SMAD2: variants seen among roughly 807,000 people sequenced by gnomAD.
SMAD2 encodes the protein SMAD family member 2.
A neutral mutation model predicts 64.4 loss-of-function variants in SMAD2; 8 were observed. The observed-to-expected ratio is 0.12, with a 90% CI of 0.07 to 0.22. The LOEUF (loss-of-function observed/expected upper bound fraction) is 0.22. Ranked by LOEUF, SMAD2 falls within the 10% of genes least tolerant of loss-of-function variation. The probability of loss-of-function intolerance (pLI) is 1.00; values close to 1 mark genes in which losing one functional copy is unlikely to be tolerated. For synonymous variants in SMAD2, 203 were observed against 195.8 expected, an observed-to-expected ratio of 1.04 and a Z score of -0.31; for missense variants, 289 against 561.2, an observed-to-expected ratio of 0.51 and a Z score of 4.90.
At chr18:47,927,238 C>G (rs532466305) in intron 1 of SMAD2, among the ~76,000 whole-genome samples, 1 of 152,144 alleles carries the variant, frequency 6.6e-6, no homozygotes, top group Non-Finnish European at 1.5e-5. Context: ...AAAGACTGGC[C>G]GTATCTTCAG....
intron 1 of SMAD2, among the ~76,000 whole-genome samples, chr18:47,929,268 T>C (rs945673341): frequency 9.2e-5 from 14 of 152,192 alleles, no homozygotes; most frequent in Admixed American, 5.2e-4. Context: ...TAAAGTAGAA[T>C]AGCAAATTTT....
At chr18:47,872,768 G>A (rs1598810274) in intron 2 of SMAD2, among the ~76,000 whole-genome samples, 1 of 152,090 alleles carries the variant, frequency 6.6e-6, no homozygotes, top group African/African-American at 2.4e-5. Context: ...GAGGTGGAAC[G>A]TCTTTATCCC....
In SMAD2 at chr18:47,841,091, A is replaced by G. The variant is rs912313611; in HGVS notation, c.*736T>C. Reference sequence around the variant, plus strand: ...ATGAGGACAAAAATGGGAATGGAAAAAAGAGGCTTGGAAAGGTTTTCAGTA... The same window carrying G: ...ATGAGGACAAAAATGGGAATGGAAAGAAGAGGCTTGGAAAGGTTTTCAGTA... On this transcript the variant is annotated 3_prime_UTR_variant, in exon 11 of 11. Transcript: ENST00000262160. 4.3e-6 allele frequency: 1 copy of G among 232,666 alleles called. No individual in the cohort carries two copies. Among genetic ancestry groups the G allele is most frequent in the African/African-American group, 2.2e-5 (1 of 45,380 alleles). The allele number at this position is 232,666 out of a possible 1,614,324, so 14.4% of individuals were successfully genotyped here. A position where few individuals can be genotyped will look rare whatever the true frequency, so the allele number is the denominator to read the frequency against.
At position 47,833,396 on chromosome 18, in the gene SMAD2, ATTGT is replaced by A. The variant is rs1274588327; in HGVS notation, c.*8427_*8430del. ...ACCAGCTGTAATAAAGCCTCAGCTC[ATTGT>A]TTAATAAAAATAAAAAAGGAACCAC... On this transcript the variant is annotated 3_prime_UTR_variant, in exon 11 of 11. Coordinates refer to ENST00000262160, the MANE Select transcript of SMAD2 (RefSeq NM_005901.6). The A allele has an allele frequency of 4.5e-6, 1 of 223,228 alleles. No homozygotes were observed. The highest frequency in any genetic ancestry group is 9.0e-6 in the Non-Finnish European group (1 of 111,602). The allele number at this position is 223,228 out of a possible 1,614,324, so 13.8% of individuals were successfully genotyped here. A position where few individuals can be genotyped will look rare whatever the true frequency, so the allele number is the denominator to read the frequency against.
At chr18:47,921,662 A>G (rs567700810) in intron 1 of SMAD2, among the ~76,000 whole-genome samples, 2 of 152,264 alleles carry the variant, frequency 1.3e-5, no homozygotes, top group South Asian at 4.1e-4. Context: ...TTTTTTAAGC[A>G]CACAGTTCCC....
Position 47,851,306 on chromosome 18 carries a change from G to A in SMAD2, c.752C>T (p.Pro251Leu). ...MDTGSPAELS[P>L]TTLSPVNHSL... ...ATGATTAACAGGGGAAAGAGTAGTA[G>A]GAGATAGTTCTGCTGGAGAGCCTAA... The change falls in exon 7 of 11, where the codon CCT becomes CTT. Residue 251 changes from proline to leucine, a missense_variant. Pro to Leu is a moderately conservative substitution (Grantham distance 98). Coordinates refer to ENST00000262160, the MANE Select transcript of SMAD2 (RefSeq NM_005901.6). The A allele has an allele frequency of 6.2e-7, 1 of 1,610,164 alleles. No homozygotes were observed. The highest frequency in any genetic ancestry group is 1.1e-5 in the South Asian group (1 of 90,994).
rs75214334 is a variant in SMAD2, at chr18:47,929,968, G to A, written c.-54+393C>T. 6.7e-3 allele frequency among the ~76,000 whole-genome samples: 1,022 copies of A among 152,012 alleles called. 12 individuals are homozygous for A. Among genetic ancestry groups the A allele is most frequent in the African/African-American group, 0.023 (937 of 41,452 alleles). On this transcript the variant is annotated intron_variant, in intron 1 of 10. Coordinates refer to ENST00000262160, the MANE Select transcript of SMAD2 (RefSeq NM_005901.6). ...CCATGGAAAACCCGAGACTACCACT[G>A]TTAACAAAGGTTACGAGACCAAAAA... is the stretch of plus-strand genomic sequence containing the variant.
At chr18:47,847,405 G>T (rs1010236719) in intron 8 of SMAD2, among the ~76,000 whole-genome samples, 13 of 152,090 alleles carry the variant, frequency 8.5e-5, no homozygotes, top group African/African-American at 3.1e-4. Context: ...ACTGTTAAAA[G>T]AAGTTACTTT....
At chr18:47,872,373 C>T (rs1029780287) in intron 2 of SMAD2, among the ~76,000 whole-genome samples, 1 of 151,498 alleles carries the variant, frequency 6.6e-6, no homozygotes, top group East Asian at 1.9e-4. Context: ...TTCAACCAAC[C>T]GTGGATCAAA....
rs1286774436 is a variant in SMAD2 at position 47,831,727 on chromosome 18, G to T, written c.*10100C>A. On this transcript the variant is annotated 3_prime_UTR_variant, in exon 11 of 11. Coordinates refer to ENST00000262160, the MANE Select transcript of SMAD2 (RefSeq NM_005901.6). The stretch of plus-strand genomic sequence containing the variant: ...CAATGTTCTTGCCTTCTATTAATGT[G>T]ATTTTAAGAATTACTGCATGTCTCA... 1.3e-5 allele frequency: 2 copies of T among 152,142 alleles called. No individual in the cohort carries two copies. Among genetic ancestry groups the T allele is most frequent in the African/African-American group, 4.8e-5 (2 of 41,428 alleles). The allele number at this position is 152,142 out of a possible 1,614,324, so 9.4% of individuals were successfully genotyped here. A position where few individuals can be genotyped will look rare whatever the true frequency, so the allele number is the denominator to read the frequency against.
At chr18:47,894,968 G>GCCA (rs1456484573) in intron 2 of SMAD2, among the ~76,000 whole-genome samples, 1 of 152,134 alleles carries the variant, frequency 6.6e-6, no homozygotes, top group Non-Finnish European at 1.5e-5. Context: ...TGCTAGCACA[G>GCCA]CCACCACGCC....
rs944909041 is a variant in SMAD2 at position 47,836,949 on chromosome 18, C to G, written c.*4878G>C. 51 of 212,160 alleles carry G rather than the reference C, an allele frequency of 2.4e-4. No homozygotes were observed. Among genetic ancestry groups the G allele is most frequent in the African/African-American group, 1.1e-3 (47 of 44,204 alleles). 13.1% of individuals were successfully genotyped at this position (212,160 alleles called of 1,614,324 possible). ...CTCAATAGCAGGATTCTGACTACCT[C>G]TGGAGACCACACACTATCATTATTC... On this transcript the variant is annotated 3_prime_UTR_variant, in exon 11 of 11. Transcript: ENST00000262160.
At chr18:47,884,454 C>T (rs994625479) in intron 2 of SMAD2, among the ~76,000 whole-genome samples, 11 of 152,028 alleles carry the variant, frequency 7.2e-5, no homozygotes, top group East Asian at 5.8e-4. Flanking sequence ...AACATTATTC[C>T]GCCCCATATA....
intron 7 of SMAD2, among the ~76,000 whole-genome samples, chr18:47,850,203 TA>T (rs1453440142): frequency 1.1e-5 from 1 of 90,984 alleles, no homozygotes; most frequent in African/African-American, 4.4e-5. Flanking sequence ...ATAGTATATA[TA>T]TATTATTATA....
chr18:47,916,719 G>C (rs2034352037), intron 1 of SMAD2, among the ~76,000 whole-genome samples: 1 of 152,152 alleles, frequency 6.6e-6, no homozygotes, highest in Non-Finnish European at 1.5e-5. Flanking sequence ...ACATGACTAA[G>C]TTTTTAAATC....
At chr18:47,914,837 G>T (rs1412984341) in intron 1 of SMAD2, among the ~76,000 whole-genome samples, 2 of 152,010 alleles carry the variant, frequency 1.3e-5, no homozygotes, top group African/African-American at 4.8e-5. Flanking sequence ...AGTTTAGCAT[G>T]TTCTACAAAA....
chr18:47,895,341 C>T (rs1232091887), intron 2 of SMAD2: 1 of 152,246 alleles, frequency 6.6e-6, no homozygotes, highest in Admixed American at 6.5e-5. Context: ...TCTCCAAGCT[C>T]CACGCAAGCA....
In SMAD2 at chr18:47,830,988, A is replaced by G. The variant is rs1261750756; in HGVS notation, c.*10839T>C. ...CACACACACACTAGGGTTTATATGT[A>G]GCAACTTCCTCATCCTCATTCCACA... On this transcript the variant is annotated 3_prime_UTR_variant, in exon 11 of 11. Transcript: ENST00000262160. 1 of 152,424 alleles carries G rather than the reference A, an allele frequency of 6.6e-6. No homozygotes were observed. Among genetic ancestry groups the G allele is most frequent in the Non-Finnish European group, 1.5e-5 (1 of 68,178 alleles). The allele number at this position is 152,424 out of a possible 1,614,324, so 9.4% of individuals were successfully genotyped here.
At chr18:47,928,467 C>G (rs994461272) in intron 1 of SMAD2, among the ~76,000 whole-genome samples, 3 of 152,152 alleles carry the variant, frequency 2.0e-5, no homozygotes, top group Non-Finnish European at 4.4e-5. Flanking sequence ...CAACCTCTGG[C>G]CATCTTGAAG....
Sources: allele counts gnomAD v4.1 joint callset (sites outside exome capture counted in the v4.1 genomes callset), GRCh38; gene constraint gnomAD v4.1.1; transcripts MANE v1.5; gene names NCBI Gene and HGNC (gene_info 2026-07-23, HGNC 2026-07-21).